The following GRHL2 variants were observed in gnomAD, a reference collection of about 807,000 sequenced individuals.
GRHL2 encodes grainyhead like transcription factor 2, also known as grainyhead-like protein 2 homolog.
GRHL2 carries 21 observed loss-of-function variants against 83.8 expected under a neutral mutation model. The observed-to-expected ratio is 0.25, with a 90% CI of 0.18 to 0.36. GRHL2 has a LOEUF of 0.36. Among genes scored for constraint, GRHL2 ranks in the 10% least tolerant of loss-of-function variants. GRHL2 has a pLI of 1.00. For missense variants in GRHL2, 623 were observed against 781.8 expected (o/e 0.80, Z 2.42); for synonymous variants, 280 against 278.9 (o/e 1.00, Z -0.04).
At chr8:101,575,269 A>G (rs1405554190) in intron 6 of GRHL2, among the ~76,000 whole-genome samples, 1 of 152,028 alleles carries the variant, frequency 6.6e-6, no homozygotes, top group Non-Finnish European at 1.5e-5. Context: ...CCCTCTTAAC[A>G]TCATTATCAT....
At chr8:101,493,277 G>C (rs1307490689) in intron 1 of GRHL2, among the ~76,000 whole-genome samples, 2 of 152,230 alleles carry the variant, frequency 1.3e-5, no homozygotes, top group Admixed American at 6.5e-5. Flanking sequence ...TTTTATATGA[G>C]GCAGAAACGG....
At chr8:101,581,128 T>A (rs1417510746) in intron 7 of GRHL2, among the ~76,000 whole-genome samples, 1 of 152,224 alleles carries the variant, frequency 6.6e-6, no homozygotes, top group Non-Finnish European at 1.5e-5. Context: ...TTCACAGACA[T>A]CCTGATTCTT....
At chr8:101,525,389 T>G (rs990111180) in intron 1 of GRHL2, among the ~76,000 whole-genome samples, 2 of 152,196 alleles carry the variant, frequency 1.3e-5, no homozygotes, top group Admixed American at 6.5e-5. Flanking sequence ...TTGATATATA[T>G]CATATGAAAA....
intron 1 of GRHL2, among the ~76,000 whole-genome samples, chr8:101,535,922 G>A (rs950316979): frequency 2.0e-5 from 3 of 152,254 alleles, no homozygotes; most frequent in South Asian, 2.1e-4. Context: ...ATAACACATA[G>A]GCTGTGAAAA....
chr8:101,584,794 G>A (rs925583087), intron 7 of GRHL2, among the ~76,000 whole-genome samples: 11 of 151,932 alleles, frequency 7.2e-5, no homozygotes, highest in Middle Eastern at 3.4e-3. Context: ...TAGCCAGGTG[G>A]CTAGGTGGTC....
intron 1 of GRHL2, among the ~76,000 whole-genome samples, chr8:101,505,664 C>T (rs1810326690): frequency 6.6e-6 from 1 of 151,584 alleles, no homozygotes; most frequent in African/African-American, 2.4e-5. Context: ...CTACAGTCTC[C>T]TTTTATCTTG....
chr8:101,525,397 AAAATT>A (rs1197851103), intron 1 of GRHL2, among the ~76,000 whole-genome samples: 1 of 152,230 alleles, frequency 6.6e-6, no homozygotes, highest in Non-Finnish European at 1.5e-5. Context: ...TATCATATGA[AAAATT>A]AAAGACAGTA....
intron 2 of GRHL2, among the ~76,000 whole-genome samples, chr8:101,550,054 T>C (rs764124634): frequency 2.8e-4 from 42 of 151,878 alleles, no homozygotes; most frequent in Non-Finnish European, 5.3e-4. Flanking sequence ...TGTATAGTTT[T>C]CCAGTTTATT....
At chr8:101,542,207 C>A (rs1184808528) in intron 1 of GRHL2, among the ~76,000 whole-genome samples, 1 of 152,168 alleles carries the variant, frequency 6.6e-6, no homozygotes, top group Non-Finnish European at 1.5e-5. Context: ...ATGTCTTACA[C>A]ATATTTATAA....
chr8:101,608,244 G>A (rs1812669080), intron 8 of GRHL2, among the ~76,000 whole-genome samples: 2 of 152,342 alleles, frequency 1.3e-5, no homozygotes, highest in Middle Eastern at 3.4e-3. Flanking sequence ...CACAGCTGGC[G>A]CCTGGTAGAG....
chr8:101,641,800 C>T (rs768320005), intron 12 of GRHL2, among the ~76,000 whole-genome samples: 1 of 152,068 alleles, frequency 6.6e-6, no homozygotes, highest in Non-Finnish European at 1.5e-5. Flanking sequence ...TCAGGACCGC[C>T]CACGGATACC....
intron 4 of GRHL2, among the ~76,000 whole-genome samples, chr8:101,563,853 T>C (rs966467710): frequency 2.0e-5 from 3 of 152,148 alleles, no homozygotes; most frequent in Admixed American, 2.0e-4. Context: ...TATCACTCCA[T>C]GATCCCATGT....
At position 101,668,787 on chromosome 8, in the gene GRHL2, G is replaced by A. The variant is rs910032517; in HGVS notation, c.*2084G>A. 1 of 152,188 alleles carries A rather than the reference G, an allele frequency of 6.6e-6. No individual in the cohort carries two copies. The highest frequency in any genetic ancestry group is 1.5e-5 in the Non-Finnish European group (1 of 68,064). The allele number at this position is 152,188 out of a possible 1,614,324, so 9.4% of individuals were successfully genotyped here. A position where few individuals can be genotyped will look rare whatever the true frequency, so the allele number is the denominator to read the frequency against. On this transcript the variant is annotated 3_prime_UTR_variant, in exon 16 of 16. Coordinates refer to ENST00000646743, the MANE Select transcript of GRHL2 (RefSeq NM_024915.4). ...GCAGACATAACAACGGCAAATACTC[G>A]GACTGGGGCATAGGACTCCAGAGTA...
intron 1 of GRHL2, among the ~76,000 whole-genome samples, chr8:101,497,555 T>C (rs556928069): frequency 6.6e-6 from 1 of 152,348 alleles, no homozygotes; most frequent in African/African-American, 2.4e-5. Context: ...CAGGAATTTC[T>C]AAAATCATTG....
At chr8:101,517,134 TCTC>T (rs1173129413) in intron 1 of GRHL2, among the ~76,000 whole-genome samples, 1 of 151,956 alleles carries the variant, frequency 6.6e-6, no homozygotes, top group Non-Finnish European at 1.5e-5. Context: ...CACCTTCACA[TCTC>T]CTAGTCACTA....
chr8:101,634,097 T>G (rs962597661), intron 11 of GRHL2, among the ~76,000 whole-genome samples: 3 of 152,178 alleles, frequency 2.0e-5, no homozygotes, highest in African/African-American at 7.2e-5. Flanking sequence ...TTCAGTCTGT[T>G]GGTTTCAGCA....
chr8:101,631,588 G>A (rs1813186441), intron 9 of GRHL2, 49 bp from the exon 10 acceptor site: 1 of 1,436,096 alleles, frequency 7.0e-7, no homozygotes, highest in African/African-American at 1.4e-5. Context: ...ACTTTTGCAT[G>A]CTCTGCTAAT....
intron 8 of GRHL2, among the ~76,000 whole-genome samples, chr8:101,618,468 A>T: frequency 6.6e-6 from 1 of 152,128 alleles, no homozygotes; most frequent in Non-Finnish European, 1.5e-5. Context: ...TACATTTAAC[A>T]ATCTTTTACT....
intron 8 of GRHL2, among the ~76,000 whole-genome samples, chr8:101,605,311 C>G (rs1023320701): frequency 1.3e-5 from 2 of 152,110 alleles, no homozygotes; most frequent in African/African-American, 4.8e-5. Context: ...ACATATCAGG[C>G]CCTGCAAGAT....
Sources: gnomAD v4.1 joint callset for allele counts (sites outside exome capture counted in the v4.1 genomes callset) on GRCh38, gnomAD v4.1.1 for gene constraint, MANE v1.5 for transcripts, NCBI Gene and HGNC (gene_info 2026-07-23, HGNC 2026-07-21) for gene names.